UNC79: variants seen among roughly 807,000 people sequenced by gnomAD.
UNC79 encodes unc-79 subunit of NALCN channel complex, also known as protein unc-79 homolog.
UNC79 carries 37 observed loss-of-function variants against 283.1 expected under a neutral mutation model. That is an observed-to-expected ratio of 0.13 (90% CI 0.10 to 0.17). The LOEUF (loss-of-function observed/expected upper bound fraction) is 0.17, where lower values mean the gene tolerates loss of function less well. Among genes scored for constraint, UNC79 ranks in the 10% least tolerant of loss-of-function variants. The pLI, the probability that UNC79 is intolerant of heterozygous loss-of-function variation, is 1.00. For synonymous variants in UNC79, 1,107 were observed against 1,200.2 expected (o/e 0.92, Z 1.61); for missense variants, 2,272 against 3,211.1 (o/e 0.71, Z 7.07).
intron 1 of UNC79, among the ~76,000 whole-genome samples, chr14:93,351,512 T>C (rs762740756): frequency 1.3e-5 from 2 of 152,326 alleles, no homozygotes; most frequent in South Asian, 2.1e-4. Context: ...CCAGGTGTTA[T>C]GTGAGGTCAG....
intron 1 of UNC79, among the ~76,000 whole-genome samples, chr14:93,414,971 G>C (rs1368105034): frequency 6.6e-6 from 1 of 152,146 alleles, no homozygotes; most frequent in African/African-American, 2.4e-5. Flanking sequence ...TGCAAACAGG[G>C]ACAATTTGAC....
chr14:93,346,548 ACT>A (rs2053835181), intron 1 of UNC79, among the ~76,000 whole-genome samples: 1 of 152,024 alleles, frequency 6.6e-6, no homozygotes, highest in Non-Finnish European at 1.5e-5. Context: ...GGGTCCAAAC[ACT>A]CTATTTGACC....
At chr14:93,694,205 G>A (rs2074920597) in intron 46 of UNC79, 130 bp from the exon 50 acceptor site, 4 of 659,772 alleles carry the variant, frequency 6.1e-6, no homozygotes, top group Non-Finnish European at 1.0e-5. Flanking sequence ...ACCACTGCCA[G>A]TGGTCTCCTA....
chr14:93,614,712 T>C (rs1022871354), intron 27 of UNC79, among the ~76,000 whole-genome samples: 2 of 152,120 alleles, frequency 1.3e-5, no homozygotes, highest in South Asian at 2.1e-4. Context: ...AACTTAACTT[T>C]ATGCCACACC....
intron 32 of UNC79, among the ~76,000 whole-genome samples, chr14:93,640,180 C>G (rs538015672): frequency 6.6e-6 from 1 of 152,244 alleles, no homozygotes; most frequent in Admixed American, 6.5e-5. Context: ...TTTACTCATC[C>G]CTGGACCATG....
Position 93,706,716 on chromosome 14 carries a change from G to T in UNC79, c.7603G>T (p.Gly2535Ter). 1 of 1,614,162 alleles carries T rather than the reference G, an allele frequency of 6.2e-7. No homozygotes were observed. Among genetic ancestry groups the T allele is most frequent in the Non-Finnish European group, 8.5e-7 (1 of 1,180,030 alleles). Reference sequence around the variant, plus strand: ...CCTTTTTCGACAGCACTTATCTGCGGGACTCCAGCTTCGCCTCCAGGCTAT... The same window carrying T: ...CCTTTTTCGACAGCACTTATCTGCGTGACTCCAGCTTCGCCTCCAGGCTAT... Residue 2535 changes from glycine (G) to a stop codon, truncating the protein, a stop_gained, in exon 49 of 49, where the codon GGA (glycine) becomes TGA (stop). Coordinates refer to ENST00000555664, the Ensembl canonical transcript of UNC79. LOFTEE classifies it high-confidence loss of function.
intron 22 of UNC79, among the ~76,000 whole-genome samples, chr14:93,591,796 A>G (rs1286719620): frequency 6.6e-6 from 1 of 152,256 alleles, no homozygotes; most frequent in African/African-American, 2.4e-5. Flanking sequence ...ACTAAACACA[A>G]TGAAAAAGAC....
intron 41 of UNC79, among the ~76,000 whole-genome samples, chr14:93,680,806 C>T (rs772380589): frequency 6.6e-6 from 1 of 152,138 alleles, no homozygotes; most frequent in Non-Finnish European, 1.5e-5. Context: ...GCGTGAGCCA[C>T]CACACCTGGC....
At chr14:93,639,111 C>T (rs2068782909) in intron 32 of UNC79, among the ~76,000 whole-genome samples, 1 of 152,182 alleles carries the variant, frequency 6.6e-6, no homozygotes, top group South Asian at 2.1e-4. Context: ...TCGAGTGCCT[C>T]CCTTTTCTTG....
chr14:93,681,926 C>T (rs1441949309), intron 41 of UNC79, among the ~76,000 whole-genome samples: 1 of 152,256 alleles, frequency 6.6e-6, no homozygotes, highest in Non-Finnish European at 1.5e-5. Flanking sequence ...TAAACTCTCA[C>T]TGAGCCCCTC....
At chr14:93,424,963 T>C (rs1347620753) in intron 1 of UNC79, among the ~76,000 whole-genome samples, 2 of 152,146 alleles carry the variant, frequency 1.3e-5, no homozygotes, top group Non-Finnish European at 2.9e-5. Flanking sequence ...TATCAAAACA[T>C]CTCATCCATA....
intron 5 of UNC79, among the ~76,000 whole-genome samples, chr14:93,494,095 G>A (rs1165122585): frequency 2.6e-5 from 4 of 151,262 alleles, no homozygotes; most frequent in African/African-American, 4.9e-5. Context: ...AGTAGAGATG[G>A]GGTTTCACCA....
At chr14:93,574,329 G>A (rs2063357288) in intron 16 of UNC79, among the ~76,000 whole-genome samples, 1 of 152,136 alleles carries the variant, frequency 6.6e-6, no homozygotes, top group Non-Finnish European at 1.5e-5. Context: ...AGGATAGAGT[G>A]GACACTAAAG....
chr14:93,434,319 A>G (rs577912153), intron 1 of UNC79, among the ~76,000 whole-genome samples: 3 of 152,340 alleles, frequency 2.0e-5, no homozygotes, highest in South Asian at 4.1e-4. Flanking sequence ...CAGAGCCTCA[A>G]AACAGGAGGT....
upstream of UNC79, among the ~76,000 whole-genome samples, chr14:93,429,176 GA>G (rs1941311909): frequency 6.6e-6 from 1 of 152,112 alleles, no homozygotes; most frequent in African/African-American, 2.4e-5. Context: ...ATCTTCTCAG[GA>G]ATGTTCATTA....
intron 38 of UNC79, among the ~76,000 whole-genome samples, chr14:93,657,858 C>T (rs755968100): frequency 6.6e-6 from 1 of 152,128 alleles, no homozygotes; most frequent in African/African-American, 2.4e-5. Flanking sequence ...CTAGAATGTG[C>T]CAGTCCTTCT....
At chr14:93,410,561 A>G (rs1336612774) in intron 1 of UNC79, among the ~76,000 whole-genome samples, 2 of 152,130 alleles carry the variant, frequency 1.3e-5, no homozygotes, top group Non-Finnish European at 2.9e-5. Flanking sequence ...CCTTCCTTCC[A>G]CGTGAGGAGA....
chr14:93,433,615 C>T (rs1385400640), intron 1 of UNC79, among the ~76,000 whole-genome samples: 1 of 151,980 alleles, frequency 6.6e-6, no homozygotes, highest in Non-Finnish European at 1.5e-5. Flanking sequence ...GCTCGTTTCT[C>T]CTCTGCATTC....
chr14:93,700,740 G>T (rs2075467198), intron 47 of UNC79, among the ~76,000 whole-genome samples: 1 of 152,070 alleles, frequency 6.6e-6, no homozygotes, highest in Admixed American at 6.5e-5. Context: ...AATTTTTGTA[G>T]GGCACGTAGT....
Sources: gnomAD v4.1 joint callset for allele counts (sites outside exome capture counted in the v4.1 genomes callset) on GRCh38, gnomAD v4.1.1 for gene constraint, MANE v1.5 for transcripts, NCBI Gene and HGNC (gene_info 2026-07-23, HGNC 2026-07-21) for gene names.